C16orf92: variants seen among roughly 807,000 people sequenced by gnomAD.
The protein encoded by C16orf92 is fertilization-influencing membrane protein.
C16orf92 carries 14 observed loss-of-function variants against 13.7 expected under a neutral mutation model. The observed-to-expected ratio is 1.02, with a 90% CI of 0.67 to 1.60. The LOEUF (loss-of-function observed/expected upper bound fraction) is 1.60, where lower values mean the gene tolerates loss of function less well. Ranked by LOEUF, C16orf92 falls within the 40% of genes most tolerant of loss-of-function variation. C16orf92 has a pLI of 0.00. For synonymous variants in C16orf92, 50 were observed against 57.4 expected (o/e 0.87, Z 0.58); for missense variants, 116 against 139.0 (o/e 0.83, Z 0.83).
chr16:30,025,829 C>T, downstream of C16orf92: 3 of 1,612,048 alleles, frequency 1.9e-6, no homozygotes, highest in Non-Finnish European at 2.5e-6. The surrounding 1 kb of genome is among the most constrained non-coding windows in gnomAD (Gnocchi z 4.1). Flanking sequence ...CACCTGGGCA[C>T]AGAGGCAGGA....
intron 3 of C16orf92, 45 bp from the exon 4 acceptor site, chr16:30,024,161 C>A: frequency 1.9e-6 from 3 of 1,612,428 alleles, no homozygotes; most frequent in Non-Finnish European, 2.5e-6. Context: ...CCAGTTCTAG[C>A]GGGGCAGGCT....
chr16:30,026,935 G>A, downstream of C16orf92: 2 of 1,081,524 alleles, frequency 1.8e-6, no homozygotes, highest in Non-Finnish European at 2.8e-6. Context: ...AGCAGCCCTG[G>A]ACAGGAGCGG....
chr16:30,024,223 C>A lies in C16orf92; in HGVS notation c.329C>A (p.Ala110Asp). The A allele has an allele frequency of 6.2e-7, 1 of 1,614,070 alleles. No homozygotes were observed. The highest frequency in any genetic ancestry group is 8.5e-7 in the Non-Finnish European group (1 of 1,179,924). Residue 110 changes from alanine to aspartate, a missense_variant, in exon 4 of 4, where the codon GCC becomes GAC. Transcript: ENST00000681219. ...FCTHINFQKGA is the reference protein window; with the variant it reads ...FCTHINFQKGD ...CCCCACAGAAACTTCCAGAAAGGGG[C>A]CTAAAGAGCCGGACAAGGGCTCTGG...
downstream of C16orf92, among the ~76,000 whole-genome samples, chr16:30,026,105 G>A (rs2071121634): frequency 6.6e-6 from 1 of 152,062 alleles, no homozygotes; most frequent in South Asian, 2.1e-4. Context: ...CGTGTTGGTG[G>A]GCACCTGTAA....
chr16:30,026,856 G>T, downstream of C16orf92: 1 of 1,611,086 alleles, frequency 6.2e-7, no homozygotes, highest in Non-Finnish European at 8.5e-7. Context: ...GTTGGGCAGA[G>T]AGACGGGGTG....
rs756876978 is a variant in C16orf92 at position 30,024,269 on chromosome 16, C to A, written c.*42C>A. 6 of 1,602,244 alleles carry A rather than the reference C, an allele frequency of 3.7e-6. No individual in the cohort carries two copies. Among genetic ancestry groups the A allele is most frequent in the South Asian group, 1.1e-5 (1 of 90,790 alleles). On this transcript the variant is annotated 3_prime_UTR_variant, in exon 4 of 4. Coordinates refer to ENST00000681219, the MANE Select transcript of C16orf92 (RefSeq NM_001109659.2). ...TCTGGACTCAACCTGAGCACCCACA[C>A]CCACCTCCTCTCCTGTTGATGAGCA... is the stretch of plus-strand genomic sequence containing the variant.
intron 3 of C16orf92, 26 bp from the exon 4 acceptor site, chr16:30,024,180 T>C: frequency 6.2e-7 from 1 of 1,613,612 alleles, no homozygotes; most frequent in Non-Finnish European, 8.5e-7. Flanking sequence ...CTGTGACCTC[T>C]CCCCTCTGAT....
At chr16:30,025,081 G>C (rs1440661332), downstream of C16orf92, 1 of 780,642 alleles carries the variant, frequency 1.3e-6, no homozygotes, top group African/African-American at 1.8e-5. The surrounding 1 kb of genome is among the most constrained non-coding windows in gnomAD (Gnocchi z 4.1). Flanking sequence ...TCCTGGGGTT[G>C]TCCGGGCAAG....
chr16:30,025,853 G>A (rs761682831), downstream of C16orf92: 1 of 1,578,150 alleles, frequency 6.3e-7, no homozygotes, highest in East Asian at 2.2e-5. The surrounding 1 kb of genome is among the most constrained non-coding windows in gnomAD (Gnocchi z 4.1). Context: ...TGAGGAGCTG[G>A]GGCTCTCCCT....
chr16:30,025,625 G>A (rs1016257495), downstream of C16orf92: 2 of 1,471,674 alleles, frequency 1.4e-6, no homozygotes, highest in Non-Finnish European at 1.9e-6. The surrounding 1 kb of genome is among the most constrained non-coding windows in gnomAD (Gnocchi z 4.1). Flanking sequence ...GGGTGAGGGG[G>A]GGATGACGAA....
chr16:30,025,602 C>T (rs780951129), downstream of C16orf92: 11 of 1,478,606 alleles, frequency 7.4e-6, no homozygotes, highest in Admixed American at 1.8e-4. The surrounding 1 kb of genome is among the most constrained non-coding windows in gnomAD (Gnocchi z 4.1). Flanking sequence ...GCACCAGGTG[C>T]TCAAAATGCA....
downstream of C16orf92, chr16:30,025,144 G>C (rs542231399): frequency 4.0e-4 from 513 of 1,293,148 alleles, 3 homozygotes; most frequent in African/African-American, 7.2e-3. The surrounding 1 kb of genome is among the most constrained non-coding windows in gnomAD (Gnocchi z 4.1). Flanking sequence ...GTCTCCACGG[G>C]GGTGGGGGTG....
downstream of C16orf92, chr16:30,025,269 A>T: frequency 6.5e-7 from 1 of 1,542,320 alleles, no homozygotes; most frequent in Non-Finnish European, 8.7e-7. The surrounding 1 kb of genome is among the most constrained non-coding windows in gnomAD (Gnocchi z 4.1). Flanking sequence ...AAGAACCAGT[A>T]GAGCTGAGGG....
downstream of C16orf92, chr16:30,025,088 C>T (rs2071045118): frequency 1.2e-6 from 1 of 845,028 alleles, no homozygotes; most frequent in Non-Finnish European, 1.8e-6. The surrounding 1 kb of genome is among the most constrained non-coding windows in gnomAD (Gnocchi z 4.1). Context: ...GTTGTCCGGG[C>T]AAGAGGACCC....
chr16:30,026,636 C>A (rs766028292), downstream of C16orf92: 1 of 1,613,756 alleles, frequency 6.2e-7, no homozygotes, highest in Non-Finnish European at 8.5e-7. Context: ...ACACCAGCAC[C>A]ATGGCGGCAT....
chr16:30,026,305 G>T (rs541669085), downstream of C16orf92, among the ~76,000 whole-genome samples: 1 of 152,242 alleles, frequency 6.6e-6, no homozygotes, highest in South Asian at 2.1e-4. Flanking sequence ...TCCCTCTCAC[G>T]GTCCTGCAGA....
At chr16:30,023,628 A>G in intron 1 of C16orf92, 99 bp from the exon 2 acceptor site, 1 of 1,594,782 alleles carries the variant, frequency 6.3e-7, no homozygotes, top group Middle Eastern at 1.7e-4. Context: ...CTCTGCAATA[A>G]GGCTGGGTGG....
chr16:30,024,139 C>T (rs375548080), intron 3 of C16orf92, 53 bp downstream of exon 3: 25 of 1,607,756 alleles, frequency 1.6e-5, no homozygotes, highest in Admixed American at 1.0e-4. Context: ...TCCTTGGGAG[C>T]GGCTGAAGAC....
At chr16:30,027,594 G>GT, downstream of C16orf92, 2 of 456,084 alleles carry the variant, frequency 4.4e-6, no homozygotes, top group Non-Finnish European at 8.8e-6. Flanking sequence ...ATTTTGTGTT[G>GT]TTTTTCAGGG....
Sources: allele counts gnomAD v4.1 joint callset (sites outside exome capture counted in the v4.1 genomes callset), GRCh38; gene constraint gnomAD v4.1.1; non-coding constraint Gnocchi (gnomAD v3.1); transcripts MANE v1.5; gene names NCBI Gene and HGNC (gene_info 2026-07-23, HGNC 2026-07-21).